Variants in ASL observed in about 807,000 individuals in gnomAD.
ASL encodes argininosuccinase.
ASL carries 51 observed loss-of-function variants against 69.1 expected under a neutral mutation model. The ratio of observed to expected loss-of-function variants is 0.74; its 90% CI spans 0.59 to 0.93. ASL has a LOEUF of 0.93. ASL is among the 40% of genes least tolerant of loss of function. The probability of loss-of-function intolerance (pLI) is 0.00; values close to 1 mark genes in which losing one functional copy is unlikely to be tolerated. For synonymous variants in ASL, 241 were observed against 247.6 expected (o/e 0.97, Z 0.25); for missense variants, 540 against 623.9 (o/e 0.87, Z 1.43).
In ASL at chr7:66,089,598, C is replaced by A; in HGVS notation, c.979-14C>A. ...GGGCTGCTAGGCCCTCACCTCCTGC[C>A]ATGTGCCTCCCAGGAGGACAAGGAA... On this transcript the variant is annotated splice_polypyrimidine_tract_variant and intron_variant, in intron 13 of 16. Coordinates refer to ENST00000304874, the MANE Select transcript of ASL (RefSeq NM_000048.4). 6.2e-7 allele frequency: 1 copy of A among 1,613,308 alleles called. No individual in the cohort carries two copies. The highest frequency in any genetic ancestry group is 1.1e-5 in the South Asian group (1 of 91,070).
intron 2 of ASL, among the ~76,000 whole-genome samples, chr7:66,079,069 T>C (rs1160682709): frequency 6.6e-6 from 1 of 151,914 alleles, no homozygotes; most frequent in African/African-American, 2.4e-5. Flanking sequence ...AACACCCCCA[T>C]GCCTGGCTAA....
rs1786332227 is a variant in ASL, at chr7:66,075,943, T to C, written c.-44+87T>C. On this transcript the variant is annotated intron_variant, in intron 1 of 16. Coordinates refer to ENST00000304874, the MANE Select transcript of ASL (RefSeq NM_000048.4). Reference sequence around the variant, plus strand: ...CGCTCACGTCCGCGTCCCCAAGGGCTGCGCTCCCTCAAGCGCAGTGCCCAG... The same window carrying C: ...CGCTCACGTCCGCGTCCCCAAGGGCCGCGCTCCCTCAAGCGCAGTGCCCAG... 7 of 1,159,822 alleles carry C rather than the reference T, an allele frequency of 6.0e-6. No homozygotes were observed. In the South Asian group the frequency reaches 8.2e-5, roughly 14 times the overall value. 71.8% of individuals were successfully genotyped at this position (1,159,822 alleles called of 1,614,324 possible).
chr7:66,077,194 C>T (rs550370210), intron 2 of ASL, among the ~76,000 whole-genome samples: 2 of 152,180 alleles, frequency 1.3e-5, no homozygotes, highest in South Asian at 4.1e-4. Flanking sequence ...TTTGGGAGGC[C>T]GAGGCGGGAG....
rs370475550 is a variant in ASL, at chr7:66,089,646, C to T, written c.1013C>T (p.Thr338Ile). 3.1e-6 allele frequency: 5 copies of T among 1,613,844 alleles called. No homozygotes were observed. The highest frequency in any genetic ancestry group is 8.5e-7 in the Non-Finnish European group (1 of 1,180,036). ...GAAGCTGTGTTTGAAGTGTCAGACA[C>T]TATGAGTGCCGTGCTCCAGGTGGCC... Reference protein sequence around the residue: ...DKEAVFEVSDTMSAVLQVATG... With the variant: ...DKEAVFEVSDIMSAVLQVATG... Residue 338 changes from threonine (T) to isoleucine (I), a missense_variant, in exon 14 of 17, where the codon ACT (threonine) becomes ATT (isoleucine). By Grantham distance (89) the Thr-to-Ile change is moderately conservative. Transcript: ENST00000304874.
chr7:66,085,466 C>G (rs893287591), intron 6 of ASL, among the ~76,000 whole-genome samples: 1 of 148,804 alleles, frequency 6.7e-6, no homozygotes, highest in African/African-American at 2.5e-5. Flanking sequence ...GAGCGAAACT[C>G]TTTCTCAAAA....
At chr7:66,089,027 G>A (rs1342505033) in intron 11 of ASL, 64 bp from the exon 12 acceptor site, 4 of 1,610,396 alleles carry the variant, frequency 2.5e-6, no homozygotes, top group African/African-American at 1.3e-5. Context: ...CGCCAGACCT[G>A]GCCATTGCGG....
At position 66,088,925 on chromosome 7, in the gene ASL, A is replaced by G. The variant is rs375854730; in HGVS notation, c.833+4A>G. 1.1e-5 allele frequency: 17 copies of G among 1,613,344 alleles called. No individual in the cohort carries two copies. The highest frequency in any genetic ancestry group is 1.4e-5 in the Non-Finnish European group (17 of 1,179,678). The stretch of plus-strand genomic sequence containing the variant: ...TGCAGCTCTCAGATGCCTACAGGTA[A>G]GCCCTGAACTGCCACCTCCATCTGC... On this transcript the variant is annotated splice_donor_region_variant and intron_variant, in intron 11 of 16. Coordinates refer to ENST00000304874, the MANE Select transcript of ASL (RefSeq NM_000048.4).
chr7:66,079,681 G>T (rs928482603), intron 2 of ASL, among the ~76,000 whole-genome samples: 1 of 151,898 alleles, frequency 6.6e-6, no homozygotes, highest in East Asian at 1.9e-4. Context: ...GTGCAGTGGC[G>T]TGATCTTGGC....
chr7:66,092,912 G>A lies in ASL; in HGVS notation c.1395G>A (p.Ter465=), dbSNP rs1339615185. The A allele has an allele frequency of 9.3e-6, 15 of 1,605,580 alleles. No homozygotes were observed. In the East Asian group the frequency reaches 3.3e-4, roughly 36 times the overall value. Residue 465 remains the stop codon, a stop_retained_variant, in exon 17 of 17, where the codon TAG becomes TAA. Transcript: ENST00000304874. ...VRALLQAQQA[*] ...CGCTACTGCAGGCACAGCAGGCCTA[G>A]GTCCTCCCACACCTGCCCCCTAATA...
At chr7:66,092,443 G>A (rs1346615274) in intron 15 of ASL, 114 bp from the exon 16 acceptor site, 15 of 1,053,032 alleles carry the variant, frequency 1.4e-5, no homozygotes, top group Admixed American at 8.2e-5. Context: ...GCAACAGAGC[G>A]AGACTTTGTG....
In ASL at chr7:66,087,744, C is replaced by T. The variant is rs2115733053; in HGVS notation, c.671C>T (p.Ala224Val). The change falls in exon 10 of 17, where the codon GCC becomes GTC. Residue 224 changes from alanine (A) to valine (V), a missense_variant. By Grantham distance (64) the Ala-to-Val change is moderately conservative. Coordinates refer to ENST00000304874, the MANE Select transcript of ASL (RefSeq NM_000048.4). Reference sequence around the variant, plus strand: ...ACCCCCCCAGAACTCAACTTTGGGGCCATCACTCTCAACAGCATGGATGCC... The same window carrying T: ...ACCCCCCCAGAACTCAACTTTGGGGTCATCACTCTCAACAGCATGGATGCC... ...ELLRAELNFG[A>V]ITLNSMDATS... is the part of the protein sequence containing the mutation. 1.9e-6 allele frequency: 3 copies of T among 1,614,140 alleles called. No individual in the cohort carries two copies. Among genetic ancestry groups the T allele is most frequent in the Non-Finnish European group, 2.5e-6 (3 of 1,180,022 alleles).
Position 66,082,001 on chromosome 7 carries a change from C to T in ASL, c.207+4C>T, listed in dbSNP as rs766087486. The T allele has an allele frequency of 5.8e-5, 93 of 1,598,558 alleles. No individual in the cohort carries two copies. The highest frequency in any genetic ancestry group is 7.8e-5 in the Non-Finnish European group (92 of 1,172,776). Reference sequence around the variant, plus strand: ...GATACTCCATGGCCTAGACAAGGTACTTGCCGTGGCCCAAGCCCCACCCAA... The same window carrying T: ...GATACTCCATGGCCTAGACAAGGTATTTGCCGTGGCCCAAGCCCCACCCAA... On this transcript the variant is annotated splice_donor_region_variant and intron_variant, in intron 3 of 16. Transcript: ENST00000304874.
intron 6 of ASL, chr7:66,083,412 C>T (rs1183887371): frequency 2.0e-5 from 9 of 443,412 alleles, no homozygotes; most frequent in East Asian, 4.7e-5. Flanking sequence ...GGGCTGGGTG[C>T]GGTGGCTCAC....
chr7:66,078,126 T>G (rs2115667200), intron 2 of ASL, among the ~76,000 whole-genome samples: 1 of 152,302 alleles, frequency 6.6e-6, no homozygotes, highest in Non-Finnish European at 1.5e-5. Flanking sequence ...AGTAGTTATT[T>G]TTATTACTAA....
intron 3 of ASL, 113 bp downstream of exon 3, chr7:66,082,110 T>A: frequency 7.6e-7 from 1 of 1,319,314 alleles, no homozygotes; most frequent in Non-Finnish European, 1.1e-6. Context: ...CACATTGAAC[T>A]AATTATATAC....
At chr7:66,077,782 T>C (rs567480880) in intron 2 of ASL, among the ~76,000 whole-genome samples, 2 of 152,292 alleles carry the variant, frequency 1.3e-5, no homozygotes, top group African/African-American at 4.8e-5. Flanking sequence ...ATTTCCCATG[T>C]ACATTCGACC....
intron 11 of ASL, 58 bp from the exon 12 acceptor site, chr7:66,089,033 T>C: frequency 6.2e-7 from 1 of 1,611,604 alleles, no homozygotes; most frequent in Non-Finnish European, 8.5e-7. Flanking sequence ...ACCTGGCCAT[T>C]GCGGCGCTGG....
At position 66,081,784 on chromosome 7, in the gene ASL, T is replaced by C; in HGVS notation, c.13-19T>C. 2.5e-6 allele frequency: 4 copies of C among 1,610,706 alleles called. No individual in the cohort carries two copies. Among genetic ancestry groups the C allele is most frequent in the Non-Finnish European group, 3.4e-6 (4 of 1,177,944 alleles). On this transcript the variant is annotated intron_variant, in intron 2 of 16. Coordinates refer to ENST00000304874, the MANE Select transcript of ASL (RefSeq NM_000048.4). ...TGGAGGGTGGAGGAGAGACTAATTG[T>C]TCTTGCTCTCCTGGCCAGAGTGGGA... is the stretch of plus-strand genomic sequence containing the variant.
At chr7:66,086,332 G>T (rs1395042775) in intron 6 of ASL, among the ~76,000 whole-genome samples, 1 of 152,186 alleles carries the variant, frequency 6.6e-6, no homozygotes, top group Non-Finnish European at 1.5e-5. Flanking sequence ...GCTGGACTTG[G>T]GGTGTTTCTG....
Sources: allele counts gnomAD v4.1 joint callset (sites outside exome capture counted in the v4.1 genomes callset), GRCh38; gene constraint gnomAD v4.1.1; transcripts MANE v1.5; gene names NCBI Gene and HGNC (gene_info 2026-07-23, HGNC 2026-07-21).